MAGEE1: variants seen among roughly 807,000 people sequenced by gnomAD.
The protein encoded by MAGEE1 is melanoma-associated antigen E1.
MAGEE1 carries 3 observed loss-of-function variants against 12.0 expected under a neutral mutation model. That is an observed-to-expected ratio of 0.25 (90% confidence interval 0.11 to 0.65). MAGEE1 has a LOEUF of 0.65. MAGEE1 is among the 30% of genes least tolerant of loss of function. The pLI is 0.84. For missense variants in MAGEE1, 729 were observed against 772.2 expected (o/e 0.94, Z 0.66); for synonymous variants, 414 against 326.1 (o/e 1.27, Z -2.91).
chrX:76,428,888 G>A lies in MAGEE1; in HGVS notation c.958G>A (p.Val320Met). 1 of 1,208,737 alleles carries A rather than the reference G, an allele frequency of 8.3e-7. No individual in the cohort carries two copies. Among genetic ancestry groups the A allele is most frequent in the Non-Finnish European group, 1.1e-6 (1 of 894,456 alleles). Residue 320 changes from valine (V) to methionine (M), a missense_variant, in exon 1 of 1, where the codon GTG becomes ATG. This residue lies in a region of MAGEE1 where 473 missense variants were observed against 423.7 expected (regional missense o/e 1.12). Transcript: ENST00000361470. Reference sequence around the variant, plus strand: ...TGCTGGTGAGGGATCGAGCACCTCCGTGCCGCCCACCCCTGGTGGGGGACT... The same window carrying A: ...TGCTGGTGAGGGATCGAGCACCTCCATGCCGCCCACCCCTGGTGGGGGACT... ...PTAGEGSSTS[V>M]PPTPGGGLST...
At position 76,427,842 on chromosome X, in the gene MAGEE1, C is replaced by T; in HGVS notation, c.-89C>T. The T allele has an allele frequency of 3.9e-6, 4 of 1,026,107 alleles. No individual in the cohort carries two copies. Among genetic ancestry groups the T allele is most frequent in the Non-Finnish European group, 5.3e-6 (4 of 759,215 alleles). The allele number at this position is 1,026,107 out of a possible 1,213,427, so 84.6% of individuals were successfully genotyped here. On this transcript the variant is annotated 5_prime_UTR_variant, in exon 1 of 1. Transcript: ENST00000361470. ...CATTACCGCTAGCGGCAGTTTTGTG[C>T]CGAGGCACCTACACACCTCCCGTCC...
In MAGEE1 at chrX:76,430,402, G is replaced by T; in HGVS notation, c.2472G>T (p.Glu824Asp). 1.7e-6 allele frequency: 2 copies of T among 1,211,692 alleles called. No homozygotes were observed. Among genetic ancestry groups the T allele is most frequent in the Non-Finnish European group, 2.2e-6 (2 of 895,547 alleles). Residue 824 changes from glutamate to aspartate, a missense_variant, in exon 1 of 1, where the codon GAG becomes GAT. Coordinates refer to ENST00000361470, the MANE Select transcript of MAGEE1 (RefSeq NM_020932.3). ...LYNRREMEET[E>D]EIVDSPNRPG... Reference sequence around the variant, plus strand: ...ACCGAAGGGAGATGGAAGAAACTGAGGAGATCGTAGACAGTCCAAACAGGC... The same window carrying T: ...ACCGAAGGGAGATGGAAGAAACTGATGAGATCGTAGACAGTCCAAACAGGC...
chrX:76,429,028 C>T lies in MAGEE1; in HGVS notation c.1098C>T (p.Thr366=). ...CAATCCCCGGTGAGGGACTGAGCAC[C>T]TCTGTGCCGCCCACCGCCTCTGATG... ...VLPIPGEGLS[T]SVPPTASDGS... is the part of the protein sequence containing the mutation. Residue 366 remains threonine, a synonymous_variant, in exon 1 of 1, where the codon ACC becomes ACT. Transcript: ENST00000361470. 1 of 1,211,909 alleles carries T rather than the reference C, an allele frequency of 8.3e-7. No individual in the cohort carries two copies.
At position 76,427,829 on chromosome X, in the gene MAGEE1, C is replaced by A; in HGVS notation, c.-102C>A. ...GCAGCAGCAACATCATTACCGCTAG[C>A]GGCAGTTTTGTGCCGAGGCACCTAC... On this transcript the variant is annotated 5_prime_UTR_variant, in exon 1 of 1. Coordinates refer to ENST00000361470, the MANE Select transcript of MAGEE1 (RefSeq NM_020932.3). 1.1e-6 allele frequency: 1 copy of A among 916,759 alleles called. No individual in the cohort carries two copies. The highest frequency in any genetic ancestry group is 1.5e-6 in the Non-Finnish European group (1 of 659,979). 75.6% of individuals were successfully genotyped at this position (916,759 alleles called of 1,213,427 possible). A position where few individuals can be genotyped will look rare whatever the true frequency, so the allele number is the denominator to read the frequency against.
chrX:76,428,796 G>A lies in MAGEE1; in HGVS notation c.866G>A (p.Gly289Asp). ...AGCATCTCCTTGGTGCCCACCCGCG[G>A]TAAGGGATCAAGCACCTCCGTGCCC... Reference protein sequence around the residue: ...GQSISLVPTRGKGSSTSVPPT... With the variant: ...GQSISLVPTRDKGSSTSVPPT... Residue 289 changes from glycine to aspartate, a missense_variant, in exon 1 of 1, where the codon GGT becomes GAT. Transcript: ENST00000361470. 6 of 1,204,265 alleles carry A rather than the reference G, an allele frequency of 5.0e-6. No homozygotes were observed. The highest frequency in any genetic ancestry group is 6.7e-6 in the Non-Finnish European group (6 of 892,841).
rs138938726 is a variant in MAGEE1, at chrX:76,430,423, C to T, written c.2493C>T (p.Asn831=). Residue 831 remains asparagine, a synonymous_variant, in exon 1 of 1, where the codon AAC becomes AAT. Transcript: ENST00000361470. ...CTGAGGAGATCGTAGACAGTCCAAA[C>T]AGGCCTGGCAACAACTTTTTGATGC... ...EETEEIVDSP[N]RPGNNFLMQV... 7.4e-4 allele frequency: 900 copies of T among 1,209,755 alleles called. 4 individuals are homozygous for T. The African/African-American group carries it at 0.014, about 19-fold the overall frequency.
Position 76,431,077 on chromosome X carries a change from T to C in MAGEE1, c.*273T>C, listed in dbSNP as rs1556840037. The stretch of plus-strand genomic sequence containing the variant: ...CTCTATAAAATGTTTTGGAAATCTT[T>C]CCATCTTGTTGCATTATCTAGAAAA... On this transcript the variant is annotated 3_prime_UTR_variant, in exon 1 of 1. Transcript: ENST00000361470. 3.2e-6 allele frequency: 1 copy of C among 313,534 alleles called. No individual in the cohort carries two copies. Among genetic ancestry groups the C allele is most frequent in the East Asian group, 5.1e-5 (1 of 19,593 alleles). 25.8% of individuals were successfully genotyped at this position (313,534 alleles called of 1,213,427 possible). A position where few individuals can be genotyped will look rare whatever the true frequency, so the allele number is the denominator to read the frequency against.
Position 76,429,214 on chromosome X carries a change from G to A in MAGEE1, c.1284G>A (p.Lys428=). The change falls in exon 1 of 1, where the codon AAG becomes AAA. Residue 428 remains lysine (K), a synonymous_variant. Coordinates refer to ENST00000361470, the MANE Select transcript of MAGEE1 (RefSeq NM_020932.3). ...CTTCTGTGGACCGGAACCCCTCCAA[G>A]TGTTCCCTTGTTTTGCCAAGCCCTA... ...SSASVDRNPS[K]CSLVLPSPRV... is the part of the protein sequence containing the mutation. 1 of 1,212,077 alleles carries A rather than the reference G, an allele frequency of 8.3e-7. No individual in the cohort carries two copies. Among genetic ancestry groups the A allele is most frequent in the Non-Finnish European group, 1.1e-6 (1 of 895,541 alleles).
In MAGEE1 at chrX:76,427,886, C is replaced by A; in HGVS notation, c.-45C>A. The stretch of plus-strand genomic sequence containing the variant: ...CCCGTCCTCTCTGCCAGATCGCGGG[C>A]CTGTCGGTGTCTGCTCCTACACGCC... On this transcript the variant is annotated 5_prime_UTR_variant, in exon 1 of 1. Transcript: ENST00000361470. 1.7e-6 allele frequency: 2 copies of A among 1,149,125 alleles called. No individual in the cohort carries two copies. The highest frequency in any genetic ancestry group is 2.3e-6 in the Non-Finnish European group (2 of 861,743). The allele number at this position is 1,149,125 out of a possible 1,213,427, so 94.7% of individuals were successfully genotyped here. A position where few individuals can be genotyped will look rare whatever the true frequency, so the allele number is the denominator to read the frequency against.
rs782684152 is a variant in MAGEE1 at position 76,428,569 on chromosome X, G to T, written c.639G>T (p.Pro213=). The T allele has an allele frequency of 8.3e-7, 1 of 1,206,884 alleles. No homozygotes were observed. The highest frequency in any genetic ancestry group is 1.1e-6 in the Non-Finnish European group (1 of 893,810). Residue 213 remains proline (P), a synonymous_variant, in exon 1 of 1, where the codon CCG becomes CCT. Coordinates refer to ENST00000361470, the MANE Select transcript of MAGEE1 (RefSeq NM_020932.3). ...TPGEGPGTSV[P]LAATEGLSTS... The stretch of plus-strand genomic sequence containing the variant: ...GTGAGGGACCAGGCACCTCCGTGCC[G>T]CTCGCCGCCACTGAGGGCCTGAGCA...
chrX:76,427,899 G>T lies in MAGEE1; in HGVS notation c.-32G>T, dbSNP rs1402667839. ...CCAGATCGCGGGCCTGTCGGTGTCT[G>T]CTCCTACACGCCAACGCCGGTGGGC... On this transcript the variant is annotated 5_prime_UTR_variant, in exon 1 of 1. Coordinates refer to ENST00000361470, the MANE Select transcript of MAGEE1 (RefSeq NM_020932.3). 1 of 1,166,367 alleles carries T rather than the reference G, an allele frequency of 8.6e-7. No individual in the cohort carries two copies. Among genetic ancestry groups the T allele is most frequent in the Non-Finnish European group, 1.1e-6 (1 of 872,214 alleles).
At position 76,428,270 on chromosome X, in the gene MAGEE1, A is replaced by C. The variant is rs782209364; in HGVS notation, c.340A>C (p.Thr114Pro). 2 of 1,209,201 alleles carry C rather than the reference A, an allele frequency of 1.7e-6. No individual in the cohort carries two copies. Among genetic ancestry groups the C allele is most frequent in the East Asian group, 5.9e-5 (2 of 33,691 alleles). ...VLPTPSEGLS[T>P]SGPPTISKGL... is the part of the protein sequence containing the mutation. ...GCCCACCCCCAGTGAGGGCCTAAGC[A>C]CCTCCGGGCCTCCCACCATCTCTAA... Residue 114 changes from threonine (T) to proline (P), a missense_variant, in exon 1 of 1, where the codon ACC becomes CCC. By Grantham distance (38) the Thr-to-Pro change is conservative. Coordinates refer to ENST00000361470, the MANE Select transcript of MAGEE1 (RefSeq NM_020932.3).
Position 76,429,949 on chromosome X carries a change from G to C in MAGEE1, c.2019G>C (p.Ala673=). The C allele has an allele frequency of 1.7e-6, 2 of 1,210,992 alleles. No homozygotes were observed. Among genetic ancestry groups the C allele is most frequent in the Non-Finnish European group, 2.2e-6 (2 of 895,271 alleles). ...AGATGAAAATTCTGAAGTTCATGGC[G>C]AAAATATATAACAAAGATCCTATGG... The part of the protein sequence containing the change: ...TTKMKILKFM[A]KIYNKDPMDW... Residue 673 remains alanine, a synonymous_variant, in exon 1 of 1, where the codon GCG becomes GCC. Transcript: ENST00000361470.
chrX:76,427,914 C>G lies in MAGEE1; in HGVS notation c.-17C>G. ...GTCGGTGTCTGCTCCTACACGCCAACGCCGGTGGGCAGGACCATGTCTCTG... is the reference window on the plus strand; with the variant it reads ...GTCGGTGTCTGCTCCTACACGCCAAGGCCGGTGGGCAGGACCATGTCTCTG... On this transcript the variant is annotated 5_prime_UTR_variant, in exon 1 of 1. Coordinates refer to ENST00000361470, the MANE Select transcript of MAGEE1 (RefSeq NM_020932.3). The G allele has an allele frequency of 8.5e-7, 1 of 1,176,218 alleles. No individual in the cohort carries two copies. Among genetic ancestry groups the G allele is most frequent in the Non-Finnish European group, 1.1e-6 (1 of 877,905 alleles).
rs781830521 is a variant in MAGEE1 at position 76,428,477 on chromosome X, G to A, written c.547G>A (p.Gly183Arg). The change falls in exon 1 of 1, where the codon GGA becomes AGA. Residue 183 changes from glycine (G) to arginine (R), a missense_variant. This residue lies in a region of MAGEE1 where 473 missense variants were observed against 423.7 expected (regional missense o/e 1.12). Coordinates refer to ENST00000361470, the MANE Select transcript of MAGEE1 (RefSeq NM_020932.3). ...STSVPPTAYEGPSTSVVPTPD... is the reference protein window; with the variant it reads ...STSVPPTAYERPSTSVVPTPD... ...CTCCGTGCCGCCCACAGCCTATGAG[G>A]GACCAAGCACCTCCGTGGTGCCCAC... The A allele has an allele frequency of 8.3e-7, 1 of 1,210,596 alleles. No individual in the cohort carries two copies. Among genetic ancestry groups the A allele is most frequent in the South Asian group, 1.8e-5 (1 of 56,984 alleles).
chrX:76,427,934 T>C lies in MAGEE1; in HGVS notation c.4T>C (p.Ser2Pro), dbSNP rs1366169623. MSLVSQNSRRRR... is the reference protein window; with the variant it reads MPLVSQNSRRRR... Reference sequence around the variant, plus strand: ...GCCAACGCCGGTGGGCAGGACCATGTCTCTGGTAAGCCAGAATTCGCGCCG... The same window carrying C: ...GCCAACGCCGGTGGGCAGGACCATGCCTCTGGTAAGCCAGAATTCGCGCCG... Residue 2 changes from serine to proline, a missense_variant, in exon 1 of 1, where the codon TCT becomes CCT. Transcript: ENST00000361470. The C allele has an allele frequency of 8.4e-7, 1 of 1,194,296 alleles. No homozygotes were observed. Among genetic ancestry groups the C allele is most frequent in the Non-Finnish European group, 1.1e-6 (1 of 887,335 alleles).
In MAGEE1 at chrX:76,428,625, C is replaced by G. The variant is rs782464184; in HGVS notation, c.695C>G (p.Pro232Arg). The change falls in exon 1 of 1, where the codon CCG becomes CGG. Residue 232 changes from proline to arginine, a missense_variant. By Grantham distance (103) the Pro-to-Arg change is moderately radical (BLOSUM62 -2). Transcript: ENST00000361470. ...TSVQATPDEG[P>R]STSVPPTATE... ...GTGCAGGCCACTCCTGATGAGGGACCGAGCACCTCCGTGCCGCCCACCGCC... is the reference window on the plus strand; with the variant it reads ...GTGCAGGCCACTCCTGATGAGGGACGGAGCACCTCCGTGCCGCCCACCGCC... The G allele has an allele frequency of 4.1e-6, 5 of 1,206,389 alleles. No individual in the cohort carries two copies. The African/African-American group carries it at 8.8e-5, about 21-fold the overall frequency.
At position 76,427,742 on chromosome X, in the gene MAGEE1, C is replaced by G; in HGVS notation, c.-189C>G. 1 of 479,808 alleles carries G rather than the reference C, an allele frequency of 2.1e-6. No individual in the cohort carries two copies. Among genetic ancestry groups the G allele is most frequent in the Non-Finnish European group, 3.5e-6 (1 of 284,741 alleles). 39.5% of individuals were successfully genotyped at this position (479,808 alleles called of 1,213,427 possible). On this transcript the variant is annotated 5_prime_UTR_variant, in exon 1 of 1. Coordinates refer to ENST00000361470, the MANE Select transcript of MAGEE1 (RefSeq NM_020932.3). ...GACTAGCATTCACTGCTGGCCAGTG[C>G]CTGCCTTTTTCACCACCTCTAATTT... is the stretch of plus-strand genomic sequence containing the variant.
Position 76,428,635 on chromosome X carries a change from C to T in MAGEE1, c.705C>T (p.Ser235=), listed in dbSNP as rs782646427. The change falls in exon 1 of 1, where the codon TCC becomes TCT. Residue 235 remains serine, a synonymous_variant. Coordinates refer to ENST00000361470, the MANE Select transcript of MAGEE1 (RefSeq NM_020932.3). ...QATPDEGPST[S]VPPTATEGLS... ...CTCCTGATGAGGGACCGAGCACCTCCGTGCCGCCCACCGCCACTGAGGGCC... is the reference window on the plus strand; with the variant it reads ...CTCCTGATGAGGGACCGAGCACCTCTGTGCCGCCCACCGCCACTGAGGGCC... 6.6e-6 allele frequency: 8 copies of T among 1,206,703 alleles called. No homozygotes were observed. In the Admixed American group the frequency reaches 1.5e-4, roughly 23 times the overall value.
Sources: allele counts gnomAD v4.1 joint callset, GRCh38; gene constraint gnomAD v4.1.1; regional missense constraint gnomAD v4.1.1; transcripts MANE v1.5; gene names NCBI Gene and HGNC (gene_info 2026-07-23, HGNC 2026-07-21).